The following HS3ST4 variants were observed in gnomAD, a reference collection of about 807,000 sequenced individuals.
HS3ST4 encodes the protein heparan sulfate glucosamine 3-O-sulfotransferase 4.
In HS3ST4, 17 loss-of-function variants were observed where a neutral mutation model predicts 29.2. That is an observed-to-expected ratio of 0.58 (90% CI 0.40 to 0.87). The LOEUF is 0.87. HS3ST4 is among the 40% of genes least tolerant of loss of function. The pLI is 0.00. For synonymous variants in HS3ST4, 314 were observed against 285.7 expected, an observed-to-expected ratio of 1.10 and a Z score of -1.00; for missense variants, 627 against 634.5, an observed-to-expected ratio of 0.99 and a Z score of 0.13.
chr16:25,835,514 A>G (rs777030255), intron 1 of HS3ST4, among the ~76,000 whole-genome samples: 2 of 151,976 alleles, frequency 1.3e-5, no homozygotes, highest in Non-Finnish European at 2.9e-5. Flanking sequence ...CAAGTTGGCT[A>G]ACGTTGATTG....
At chr16:26,088,104 TTCTTG>T (rs1286632042) in intron 1 of HS3ST4, among the ~76,000 whole-genome samples, 2 of 152,140 alleles carry the variant, frequency 1.3e-5, no homozygotes, top group Admixed American at 6.5e-5. Flanking sequence ...TGCCTCCACA[TTCTTG>T]TCTTTTTTCC....
At chr16:25,793,567 G>C (rs974358243) in intron 1 of HS3ST4, among the ~76,000 whole-genome samples, 2 of 151,820 alleles carry the variant, frequency 1.3e-5, no homozygotes, top group Non-Finnish European at 2.9e-5. Context: ...TGCCTTAAAG[G>C]CTACTTTGCT....
intron 1 of HS3ST4, among the ~76,000 whole-genome samples, chr16:25,737,545 G>A (rs1022805701): frequency 6.6e-6 from 1 of 152,160 alleles, no homozygotes; most frequent in Non-Finnish European, 1.5e-5. Flanking sequence ...AGTAATATGT[G>A]CACATAGACA....
At chr16:25,843,184 G>T (rs1967433272) in intron 1 of HS3ST4, among the ~76,000 whole-genome samples, 1 of 152,054 alleles carries the variant, frequency 6.6e-6, no homozygotes, top group Non-Finnish European at 1.5e-5. Context: ...CAGTTGTGTG[G>T]GTTACTTTGG....
At position 25,934,782 on chromosome 16, in the gene HS3ST4, A is replaced by T. The variant is rs1036681708; in HGVS notation, c.735-200830A>T. 4.6e-5 allele frequency among the ~76,000 whole-genome samples: 7 copies of T among 152,130 alleles called. No homozygotes were observed. In the East Asian group the frequency reaches 1.4e-3, roughly 29 times the overall value. On this transcript the variant is annotated intron_variant, in intron 1 of 1. Coordinates refer to ENST00000331351, the MANE Select transcript of HS3ST4 (RefSeq NM_006040.3). ...TGTTGCCAGGTATTTGGGATTTTTT[A>T]ATGTAAACTTTATGTTTCAGAGAAA...
chr16:25,888,397 A>G (rs1290212791), intron 1 of HS3ST4, among the ~76,000 whole-genome samples: 1 of 152,106 alleles, frequency 6.6e-6, no homozygotes, highest in African/African-American at 2.4e-5. Flanking sequence ...GCCTGATTTT[A>G]TTCACTTCTT....
chr16:25,854,320 A>C (rs1415952410), intron 1 of HS3ST4, among the ~76,000 whole-genome samples: 1 of 152,096 alleles, frequency 6.6e-6, no homozygotes, highest in Non-Finnish European at 1.5e-5. Context: ...ACTTCCTGAC[A>C]TTGTCATGGC....
intron 1 of HS3ST4, among the ~76,000 whole-genome samples, chr16:25,956,497 A>G (rs535836649): frequency 4.1e-4 from 62 of 152,342 alleles, no homozygotes; most frequent in African/African-American, 1.4e-3. Flanking sequence ...AGGGCATCCA[A>G]ATTGGAAAAG....
intron 1 of HS3ST4, among the ~76,000 whole-genome samples, chr16:25,922,638 C>T (rs771335171): frequency 3.9e-5 from 6 of 152,292 alleles, no homozygotes; most frequent in East Asian, 3.9e-4. Flanking sequence ...GTTCCAGGCA[C>T]GCTGGATACC....
intron 1 of HS3ST4, among the ~76,000 whole-genome samples, chr16:25,753,541 T>C (rs1357365578): frequency 6.6e-6 from 1 of 152,212 alleles, no homozygotes; most frequent in East Asian, 1.9e-4. Flanking sequence ...TTTACGCATT[T>C]GTGTTACTAT....
chr16:25,840,066 C>A (rs551860378), intron 1 of HS3ST4, among the ~76,000 whole-genome samples: 1 of 152,232 alleles, frequency 6.6e-6, no homozygotes, highest in East Asian at 1.9e-4. Context: ...TCAGTGGAAA[C>A]TAAAATGTTC....
intron 1 of HS3ST4, among the ~76,000 whole-genome samples, chr16:25,703,425 G>C (rs960719694): frequency 6.6e-6 from 1 of 152,334 alleles, no homozygotes; most frequent in East Asian, 1.9e-4. Context: ...CGTGAGATAG[G>C]CACTGATATT....
At chr16:25,773,819 C>T (rs568678761) in intron 1 of HS3ST4, among the ~76,000 whole-genome samples, 1 of 152,286 alleles carries the variant, frequency 6.6e-6, no homozygotes, top group African/African-American at 2.4e-5. Context: ...TCTTCTGAGT[C>T]TCCCGTGTCG....
At chr16:25,864,899 G>T (rs991778837) in intron 1 of HS3ST4, among the ~76,000 whole-genome samples, 1 of 148,634 alleles carries the variant, frequency 6.7e-6, no homozygotes, top group African/African-American at 2.5e-5. Flanking sequence ...TATATATATA[G>T]AATATATATA....
chr16:26,116,589 A>C (rs556864195), intron 1 of HS3ST4, among the ~76,000 whole-genome samples: 1 of 152,358 alleles, frequency 6.6e-6, no homozygotes, highest in East Asian at 1.9e-4. Flanking sequence ...CCATGATAGC[A>C]ATAACATATG....
At chr16:25,748,436 G>A (rs1028497363) in intron 1 of HS3ST4, among the ~76,000 whole-genome samples, 2 of 152,124 alleles carry the variant, frequency 1.3e-5, no homozygotes, top group Non-Finnish European at 2.9e-5. Flanking sequence ...GCAGAGCCCA[G>A]CTCCTACCTT....
At chr16:26,025,869 G>A (rs370485674) in intron 1 of HS3ST4, among the ~76,000 whole-genome samples, 61 of 152,244 alleles carry the variant, frequency 4.0e-4, no homozygotes, top group African/African-American at 1.4e-3. Flanking sequence ...TCTGCCTCCC[G>A]GATTTAAACA....
At chr16:25,743,243 T>C (rs923009318) in intron 1 of HS3ST4, among the ~76,000 whole-genome samples, 6 of 152,230 alleles carry the variant, frequency 3.9e-5, no homozygotes, top group African/African-American at 1.4e-4. Context: ...TTCTTATCTG[T>C]GTGACCTTGG....
intron 1 of HS3ST4, among the ~76,000 whole-genome samples, chr16:25,749,411 C>T (rs76541308): frequency 6.6e-6 from 1 of 152,092 alleles, no homozygotes. Flanking sequence ...GGGAGGATCA[C>T]CTGAACCTGG....
Sources: gnomAD v4.1 joint callset for allele counts (sites outside exome capture counted in the v4.1 genomes callset) on GRCh38, gnomAD v4.1.1 for gene constraint, MANE v1.5 for transcripts, NCBI Gene and HGNC (gene_info 2026-07-23, HGNC 2026-07-21) for gene names.